The following EPG5 variants were observed in gnomAD, a reference collection of about 807,000 sequenced individuals.
EPG5 encodes ectopic P-granules 5 autophagy tethering factor.
In EPG5, 159 loss-of-function variants were observed where a neutral mutation model predicts 302.7. The ratio of observed to expected loss-of-function variants is 0.53; its 90% CI spans 0.46 to 0.60. EPG5 has a LOEUF of 0.60. Among genes scored for constraint, EPG5 ranks in the 20% least tolerant of loss-of-function variants. The probability of loss-of-function intolerance (pLI) is 0.00; values close to 1 mark genes in which losing one functional copy is unlikely to be tolerated. For synonymous variants in EPG5, 1,158 were observed against 1,136.8 expected, an observed-to-expected ratio of 1.02 and a Z score of -0.37; for missense variants, 2,896 against 3,092.4, an observed-to-expected ratio of 0.94 and a Z score of 1.51.
In EPG5 at chr18:45,910,501, GGC is replaced by G; in HGVS notation, c.4205+18_4205+19del. On this transcript the variant is annotated intron_variant, in intron 23 of 43. Coordinates refer to ENST00000282041, the MANE Select transcript of EPG5 (RefSeq NM_020964.3). The stretch of plus-strand genomic sequence containing the variant: ...CTGTGCTGCAAACAACAATGTAGGT[GGC>G]TAAATAACCATACTCACCTCACCAG... 1.3e-6 allele frequency: 2 copies of G among 1,559,014 alleles called. No individual in the cohort carries two copies. The highest frequency in any genetic ancestry group is 3.8e-5 in the Admixed American group (2 of 52,258).
At chr18:45,927,276 TG>T (rs1335019257) in intron 13 of EPG5, among the ~76,000 whole-genome samples, 1 of 152,156 alleles carries the variant, frequency 6.6e-6, no homozygotes, top group Non-Finnish European at 1.5e-5. Flanking sequence ...CCTGACCTCG[TG>T]ATCCACCCGC....
At chr18:45,908,152 A>G in intron 23 of EPG5, 71 bp from the exon 24 acceptor site, 1 of 1,238,284 alleles carries the variant, frequency 8.1e-7, no homozygotes, top group South Asian at 1.4e-5. Flanking sequence ...TTACATCTCT[A>G]GGAACACTGG....
At chr18:45,876,998 TG>T (rs2048984782) in intron 34 of EPG5, among the ~76,000 whole-genome samples, 1 of 152,094 alleles carries the variant, frequency 6.6e-6, no homozygotes, top group Non-Finnish European at 1.5e-5. Context: ...TGGCCAGGTT[TG>T]TCTTGAAGTC....
intron 1 of EPG5, among the ~76,000 whole-genome samples, chr18:45,958,508 A>G (rs2051079198): frequency 6.6e-6 from 1 of 152,264 alleles, no homozygotes; most frequent in Non-Finnish European, 1.5e-5. Context: ...GAATCCAGAA[A>G]TAAAACCTTA....
chr18:45,934,768 G>A, intron 11 of EPG5, 41 bp downstream of exon 11: 2 of 1,562,654 alleles, frequency 1.3e-6, no homozygotes, highest in Non-Finnish European at 8.6e-7. Flanking sequence ...AGCACAAAAA[G>A]ATAGGGAGAG....
chr18:45,907,294 A>G (rs1008841362), intron 24 of EPG5: 1 of 152,052 alleles, frequency 6.6e-6, no homozygotes, highest in African/African-American at 2.4e-5. Flanking sequence ...GCAGCCCTAG[A>G]AAAAAAAGAA....
rs1202126061 is a variant in EPG5, at chr18:45,899,499, G to C, written c.4714C>G (p.Gln1572Glu). 1.2e-6 allele frequency: 2 copies of C among 1,614,170 alleles called. No homozygotes were observed. The highest frequency in any genetic ancestry group is 1.7e-6 in the Non-Finnish European group (2 of 1,180,042). Residue 1572 changes from glutamine to glutamate, a missense_variant, in exon 27 of 44, where the codon CAG (glutamine) becomes GAG (glutamate). Physicochemically the swap from Gln to Glu is conservative, Grantham distance 29. Transcript: ENST00000282041. ...GTCTGTTCTTCACGATTCACATACT[G>C]CTTTGGCATTGTGTCTAACAGCTCA... ...DGELLDTMPK[Q>E]YVNREEQTTL...
At chr18:45,809,712 C>G in the EPG5 span, among the ~76,000 whole-genome samples, 4 of 152,178 alleles carry the variant, frequency 2.6e-5, no homozygotes, top group Non-Finnish European at 4.4e-5. Flanking sequence ...CTCTGGGATA[C>G]AGCAAAGGCG....
At chr18:45,806,067 C>A in the EPG5 span, among the ~76,000 whole-genome samples, 1 of 152,092 alleles carries the variant, frequency 6.6e-6, no homozygotes, top group African/African-American at 2.4e-5. Context: ...ATTAAACAAG[C>A]AAATAGTTTA....
intron 1 of EPG5, among the ~76,000 whole-genome samples, chr18:45,960,109 T>C (rs920381579): frequency 1.3e-5 from 2 of 152,192 alleles, no homozygotes; most frequent in Non-Finnish European, 2.9e-5. Context: ...GGAGATCCCA[T>C]CTTTATCTTT....
At chr18:45,965,047 C>CTCCA (rs908641139) in intron 1 of EPG5, among the ~76,000 whole-genome samples, 3 of 152,180 alleles carry the variant, frequency 2.0e-5, no homozygotes, top group African/African-American at 7.2e-5. Context: ...ATGTGTCTAA[C>CTCCA]TCCACTACAG....
Position 45,944,081 on chromosome 18 carries a change from T to C in EPG5, c.1716A>G (p.Glu572=). The C allele has an allele frequency of 1.9e-6, 3 of 1,613,948 alleles. No homozygotes were observed. Among genetic ancestry groups the C allele is most frequent in the Non-Finnish European group, 2.5e-6 (3 of 1,179,840 alleles). Residue 572 remains glutamate (E), a synonymous_variant, in exon 8 of 44, where the codon GAA becomes GAG. Transcript: ENST00000282041. ...DPETSWILLN[E]DDLVTILAQF... ...GTGCTAAAATGGTAACCAAATCATC[T>C]TCATTAAGGAGAATCCAACTGGTCT...
chr18:45,850,733 T>G lies in EPG5; in HGVS notation c.*1734A>C, dbSNP rs568748407. On this transcript the variant is annotated 3_prime_UTR_variant, in exon 44 of 44. Transcript: ENST00000282041. ...ATTAATCATAATTTTCTTTAAAATG[T>G]GCATACTGTCACTCAAAAATTTCAC... The G allele has an allele frequency of 6.5e-6, 1 of 152,784 alleles. No homozygotes were observed. Among genetic ancestry groups the G allele is most frequent in the East Asian group, 1.9e-4 (1 of 5,196 alleles). 9.5% of individuals were successfully genotyped at this position (152,784 alleles called of 1,614,324 possible). A position where few individuals can be genotyped will look rare whatever the true frequency, so the allele number is the denominator to read the frequency against.
intron 22 of EPG5, 130 bp downstream of exon 22, chr18:45,912,160 G>C (rs200065754): frequency 1.6e-5 from 3 of 190,158 alleles, no homozygotes; most frequent in Admixed American, 9.9e-5. Flanking sequence ...TAGAGACAGA[G>C]AAAGAGTCCT....
intron 43 of EPG5, among the ~76,000 whole-genome samples, chr18:45,853,555 A>G (rs2048456807): frequency 6.6e-6 from 1 of 152,192 alleles, no homozygotes; most frequent in Non-Finnish European, 1.5e-5. Context: ...ATCCCCCACC[A>G]TGGAGTGCCC....
At chr18:45,818,273 T>C in the EPG5 span, among the ~76,000 whole-genome samples, 1 of 151,914 alleles carries the variant, frequency 6.6e-6, no homozygotes, top group Admixed American at 6.5e-5. Flanking sequence ...TTTTTTGTTT[T>C]CCTTTATTTT....
chr18:45,952,792 T>C, intron 2 of EPG5, 149 bp from the exon 3 acceptor site: 1 of 829,930 alleles, frequency 1.2e-6, no homozygotes, highest in Non-Finnish European at 1.9e-6. Context: ...GTAGAGAACA[T>C]TACCAGCAAA....
chr18:45,808,854 C>A, the EPG5 span, among the ~76,000 whole-genome samples: 21 of 152,080 alleles, frequency 1.4e-4, no homozygotes, highest in South Asian at 4.4e-3. Context: ...ATACAGGCAA[C>A]AAATAGCCGA....
Position 45,917,823 on chromosome 18 carries a change from T to A in EPG5, c.3099-4A>T. 1.2e-6 allele frequency: 2 copies of A among 1,613,768 alleles called. No individual in the cohort carries two copies. Among genetic ancestry groups the A allele is most frequent in the Non-Finnish European group, 1.7e-6 (2 of 1,179,858 alleles). ...TTCTGCACAGAACTTCTCAATGCTA[T>A]GGAAAAAGAGAAAGGCACTGAATAC... On this transcript the variant is annotated splice_region_variant and splice_polypyrimidine_tract_variant and intron_variant, in intron 16 of 43. Coordinates refer to ENST00000282041, the MANE Select transcript of EPG5 (RefSeq NM_020964.3).
Sources: allele counts gnomAD v4.1 joint callset (sites outside exome capture counted in the v4.1 genomes callset), GRCh38; gene constraint gnomAD v4.1.1; transcripts MANE v1.5; gene names NCBI Gene and HGNC (gene_info 2026-07-23, HGNC 2026-07-21).